The following TYR variants were observed in gnomAD, a reference collection of about 807,000 sequenced individuals.
TYR encodes tyrosinase.
TYR carries 58 observed loss-of-function variants against 51.5 expected under a neutral mutation model. The observed-to-expected ratio is 1.13, with a 90% CI of 0.91 to 1.40. TYR has a LOEUF of 1.40. Among genes scored for constraint, TYR ranks in the 40% most tolerant of loss-of-function variants. The probability of loss-of-function intolerance (pLI) is 0.00; values close to 1 mark genes in which losing one functional copy is unlikely to be tolerated. For synonymous variants in TYR, 263 were observed against 235.2 expected (o/e 1.12, Z -1.08); for missense variants, 732 against 647.4 (o/e 1.13, Z -1.42).
chr11:89,208,224 C>T (rs955597259), intron 2 of TYR, among the ~76,000 whole-genome samples: 1 of 152,098 alleles, frequency 6.6e-6, no homozygotes. Flanking sequence ...GAGTGGAGAT[C>T]GCGCCATGGC....
At position 89,267,044 on chromosome 11, in the gene TYR, C is replaced by G. The variant is rs559735641; in HGVS notation, c.1185-17729C>G. 1.3e-3 allele frequency among the ~76,000 whole-genome samples: 197 copies of G among 151,966 alleles called. 1 individual carries two copies. The highest frequency in any genetic ancestry group is 4.6e-3 in the African/African-American group (192 of 41,508). On this transcript the variant is annotated intron_variant, in intron 3 of 4. Coordinates refer to ENST00000263321, the MANE Select transcript of TYR (RefSeq NM_000372.5). ...GTACAGATAGTAGATATATGATAAA[C>G]TTTTCCACTGTAATTCTCAGAATCA...
At chr11:89,286,034 C>A (rs535760261) in intron 4 of TYR, among the ~76,000 whole-genome samples, 20 of 151,934 alleles carry the variant, frequency 1.3e-4, no homozygotes, top group African/African-American at 4.8e-4. Flanking sequence ...AGTTTCATAC[C>A]TGAAGAAGCT....
At position 89,191,429 on chromosome 11, in the gene TYR, TC is replaced by T. The variant is rs1943444674; in HGVS notation, c.1036+12del. On this transcript the variant is annotated intron_variant, in intron 2 of 4. Transcript: ENST00000263321. ...GAAATACACTGGAAGGTAATCTCTT[TC>T]TTTTCACTTTTAATTTTTTTTCTGA... The T allele has an allele frequency of 1.2e-6, 2 of 1,610,322 alleles. No homozygotes were observed. Among genetic ancestry groups the T allele is most frequent in the South Asian group, 1.1e-5 (1 of 91,006 alleles).
At chr11:89,199,576 T>A (rs768544762) in intron 2 of TYR, among the ~76,000 whole-genome samples, 33 of 152,176 alleles carry the variant, frequency 2.2e-4, no homozygotes, top group Non-Finnish European at 4.0e-4. Context: ...GATTTCAGTA[T>A]CAGTTCTAAA....
intron 3 of TYR, among the ~76,000 whole-genome samples, chr11:89,255,212 A>C (rs1309195667): frequency 6.6e-6 from 1 of 151,740 alleles, no homozygotes. Flanking sequence ...AAATTTATTA[A>C]GATTTGTTTT....
intron 2 of TYR, among the ~76,000 whole-genome samples, chr11:89,215,510 A>G (rs562923392): frequency 6.8e-6 from 1 of 148,128 alleles, no homozygotes; most frequent in East Asian, 1.9e-4. Flanking sequence ...CCTAGAACTT[A>G]AAGTATAATA....
Position 89,262,271 on chromosome 11 carries a change from C to T in TYR, c.1185-22502C>T, listed in dbSNP as rs544719333. ...ACAGGGTTTCACCATGTTGGTCAGG[C>T]TGGTCTTGAACTCCTGACCTCAGGT... On this transcript the variant is annotated intron_variant, in intron 3 of 4. Transcript: ENST00000263321. Among the ~76,000 whole-genome samples, 5 of 152,116 alleles carry T rather than the reference C, an allele frequency of 3.3e-5. No individual in the cohort carries two copies. The South Asian group carries it at 1.0e-3, about 32-fold the overall frequency.
At chr11:89,287,001 C>G (rs1277367604) in intron 4 of TYR, among the ~76,000 whole-genome samples, 1 of 151,766 alleles carries the variant, frequency 6.6e-6, no homozygotes, top group Non-Finnish European at 1.5e-5. Context: ...ATTGTTTCTG[C>G]CTGAATTCTG....
intron 2 of TYR, among the ~76,000 whole-genome samples, chr11:89,211,503 G>C (rs1314733218): frequency 2.0e-5 from 3 of 152,086 alleles, no homozygotes; most frequent in Non-Finnish European, 1.5e-5. Flanking sequence ...AATAATAGTG[G>C]GAGACTTTAA....
intron 1 of TYR, 51 bp from the exon 2 acceptor site, chr11:89,191,151 A>T: frequency 6.5e-7 from 1 of 1,538,814 alleles, no homozygotes; most frequent in Non-Finnish European, 9.0e-7. Flanking sequence ...GCCTTCTCCT[A>T]CTGACTCAGT....
rs776935572 is a variant in TYR, at chr11:89,227,838, T to G, written c.1052T>G (p.Leu351Arg). Reference protein sequence around the residue: ...RNTLEGFASPLTGIADASQSS... With the variant: ...RNTLEGFASPRTGIADASQSS... The stretch of plus-strand genomic sequence containing the variant: ...TAATGAACAGGATTTGCTAGTCCAC[T>G]TACTGGGATAGCGGATGCCTCTCAA... The change falls in exon 3 of 5, where the codon CTT becomes CGT. Residue 351 changes from leucine to arginine, a missense_variant. By Grantham distance (102) the Leu-to-Arg change is moderately radical. Coordinates refer to ENST00000263321, the MANE Select transcript of TYR (RefSeq NM_000372.5). 1 of 1,613,212 alleles carries G rather than the reference T, an allele frequency of 6.2e-7. No homozygotes were observed. Among genetic ancestry groups the G allele is most frequent in the Non-Finnish European group, 8.5e-7 (1 of 1,179,648 alleles).
At position 89,289,852 on chromosome 11, in the gene TYR, G is replaced by C. The variant is rs538742040; in HGVS notation, c.1366+4898G>C. Reference sequence around the variant, plus strand: ...TGAGTCAGCAGCTGAAGCAAGTTTGGAAAGAAAAACTCAAATTGTAAGCTG... The same window carrying C: ...TGAGTCAGCAGCTGAAGCAAGTTTGCAAAGAAAAACTCAAATTGTAAGCTG... On this transcript the variant is annotated intron_variant, in intron 4 of 4. Coordinates refer to ENST00000263321, the MANE Select transcript of TYR (RefSeq NM_000372.5). 2.6e-5 allele frequency among the ~76,000 whole-genome samples: 4 copies of C among 152,114 alleles called. No individual in the cohort carries two copies. The South Asian group carries it at 8.3e-4, about 31-fold the overall frequency.
chr11:89,262,864 AAAAAAAAACAAC>A (rs1209525988), intron 3 of TYR, among the ~76,000 whole-genome samples: 86 of 145,580 alleles, frequency 5.9e-4, no homozygotes, highest in African/African-American at 2.1e-3. Context: ...AAAAAAAAAA[AAAAAAAAACAAC>A]AACAACAACA....
intron 3 of TYR, among the ~76,000 whole-genome samples, chr11:89,244,200 C>T (rs1944236044): frequency 6.6e-6 from 1 of 152,110 alleles, no homozygotes; most frequent in Non-Finnish European, 1.5e-5. Context: ...CTTAAAGTTG[C>T]TTAAACTTGT....
At chr11:89,267,052 CTG>C (rs1944533904) in intron 3 of TYR, among the ~76,000 whole-genome samples, 1 of 151,876 alleles carries the variant, frequency 6.6e-6, no homozygotes, top group African/African-American at 2.4e-5. Context: ...AACTTTTCCA[CTG>C]TAATTCTCAG....
intron 3 of TYR, among the ~76,000 whole-genome samples, chr11:89,245,767 A>C (rs1217213088): frequency 1.3e-5 from 2 of 151,938 alleles, no homozygotes; most frequent in African/African-American, 4.8e-5. Flanking sequence ...CTAAAAATAC[A>C]AAAAATTAGC....
At chr11:89,221,723 T>A (rs1943913813) in intron 2 of TYR, among the ~76,000 whole-genome samples, 2 of 152,220 alleles carry the variant, frequency 1.3e-5, no homozygotes, top group African/African-American at 2.4e-5. Flanking sequence ...TTTTAAAAAA[T>A]CTTCAGATGC....
intron 2 of TYR, among the ~76,000 whole-genome samples, chr11:89,212,140 T>A (rs1291098869): frequency 5.3e-5 from 8 of 152,042 alleles, no homozygotes; most frequent in Non-Finnish European, 1.0e-4. Context: ...TTCAAAAAAA[T>A]CAATGAATCC....
At chr11:89,287,788 C>A (rs1944807913) in intron 4 of TYR, among the ~76,000 whole-genome samples, 1 of 151,834 alleles carries the variant, frequency 6.6e-6, no homozygotes. Context: ...AGTTGGAAAG[C>A]ACATGCAGAA....
Sources: allele counts gnomAD v4.1 joint callset (sites outside exome capture counted in the v4.1 genomes callset), GRCh38; gene constraint gnomAD v4.1.1; transcripts MANE v1.5; gene names NCBI Gene and HGNC (gene_info 2026-07-23, HGNC 2026-07-21).